SCUBE1: variants seen among roughly 807,000 people sequenced by gnomAD.
SCUBE1 encodes signal peptide, CUB domain and EGF like domain containing 1.
A neutral mutation model predicts 124.4 loss-of-function variants in SCUBE1; 59 were observed. The ratio of observed to expected loss-of-function variants is 0.47; its 90% CI spans 0.38 to 0.59. The LOEUF (loss-of-function observed/expected upper bound fraction) is 0.59. Ranked by LOEUF, SCUBE1 falls within the 20% of genes least tolerant of loss-of-function variation. SCUBE1 has a pLI of 0.00. For missense variants in SCUBE1, 1,150 were observed against 1,371.2 expected (o/e 0.84, Z 2.55); for synonymous variants, 545 against 550.9 (o/e 0.99, Z 0.15).
chr22:43,229,037 G>A (rs775271452), intron 9 of SCUBE1, 35 bp downstream of exon 9: 39 of 1,473,944 alleles, frequency 2.6e-5, no homozygotes, highest in East Asian at 4.6e-5. Context: ...CGCGTGCCTC[G>A]GGGGGGAGGT....
At chr22:43,297,818 C>G (rs1330508093) in intron 3 of SCUBE1, among the ~76,000 whole-genome samples, 1 of 152,182 alleles carries the variant, frequency 6.6e-6, no homozygotes, top group Non-Finnish European at 1.5e-5. Flanking sequence ...TTGTGTTTCC[C>G]GCAAATATTT....
intron 3 of SCUBE1, among the ~76,000 whole-genome samples, chr22:43,296,579 T>G (rs736355): frequency 0.081 from 12,294 of 152,202 alleles, 962 homozygotes; most frequent in African/African-American, 0.21. Context: ...TCCTTTCAAC[T>G]GGTGAGAGAG....
Position 43,202,473 on chromosome 22 carries a change from G to A in SCUBE1, c.*1524C>T, listed in dbSNP as rs1354387196. On this transcript the variant is annotated 3_prime_UTR_variant, in exon 22 of 22. Transcript: ENST00000360835. ...CCCATGCAGGTCCTACAGCTCGCAG[G>A]CAGATGAAGAGCAGGCAAGGCCTCC... 5 of 152,224 alleles carry A rather than the reference G, an allele frequency of 3.3e-5. No homozygotes were observed. Among genetic ancestry groups the A allele is most frequent in the Admixed American group, 2.0e-4 (3 of 15,274 alleles). The allele number at this position is 152,224 out of a possible 1,614,324, so 9.4% of individuals were successfully genotyped here.
rs1278592144 is a variant in SCUBE1 at position 43,343,258 on chromosome 22, C to T, written c.4G>A (p.Gly2Ser). The T allele has an allele frequency of 1.6e-5, 19 of 1,157,420 alleles. No individual in the cohort carries two copies. The highest frequency in any genetic ancestry group is 1.7e-5 in the Non-Finnish European group (16 of 940,222). The allele number at this position is 1,157,420 out of a possible 1,614,324, so 71.7% of individuals were successfully genotyped here. A position where few individuals can be genotyped will look rare whatever the true frequency, so the allele number is the denominator to read the frequency against. M[G>S]AAAVRWHLCV... The stretch of plus-strand genomic sequence containing the variant: ...AAGTGCCAGCGCACGGCCGCCGCGC[C>T]CATGCTCAATGCGGGCCCCGCTGGG... The change falls in exon 1 of 22, where the codon GGC (glycine) becomes AGC (serine). Residue 2 changes from glycine to serine, a missense_variant. By Grantham distance (56) the Gly-to-Ser change is moderately conservative. This residue lies in a region of SCUBE1 where 56 missense variants were observed against 48.1 expected (regional missense o/e 1.16). Coordinates refer to ENST00000360835, the MANE Select transcript of SCUBE1 (RefSeq NM_173050.5).
intron 2 of SCUBE1, among the ~76,000 whole-genome samples, chr22:43,322,951 T>C (rs776316237): frequency 3.0e-4 from 46 of 152,194 alleles, no homozygotes; most frequent in Non-Finnish European, 4.8e-4. Flanking sequence ...CATTTTATGG[T>C]TGAACAAACT....
At position 43,281,482 on chromosome 22, in the gene SCUBE1, CTCTTTGGCCACCCTCCTGTCACCTCCT is replaced by C. The variant is rs1220964025; in HGVS notation, c.484+9537_484+9563del. Among the ~76,000 whole-genome samples the C allele has an allele frequency of 2.3e-3, 214 of 93,718 alleles. 2 individuals carry two copies. The highest frequency in any genetic ancestry group is 2.9e-3 in the Non-Finnish European group (153 of 53,256). The allele number at this position is 93,718 out of a possible 152,430, so 61.5% of individuals were successfully genotyped here. ...CCTCAGCCACCCTCCTGTCACCTCCCTCTTTGGCCACCCTCCTGTCACCTCCTCCTCAGCCACCCTCCTGTCACCTCC... is the reference window on the plus strand; with the variant it reads ...CCTCAGCCACCCTCCTGTCACCTCCCCCTCAGCCACCCTCCTGTCACCTCC... On this transcript the variant is annotated intron_variant, in intron 4 of 21. Transcript: ENST00000360835.
chr22:43,227,538 G>A lies in SCUBE1; in HGVS notation c.1085-42C>T, dbSNP rs551840782. The A allele has an allele frequency of 7.5e-6, 12 of 1,593,040 alleles. No homozygotes were observed. The Admixed American group carries it at 1.8e-4, about 24-fold the overall frequency. On this transcript the variant is annotated intron_variant, in intron 9 of 21. Transcript: ENST00000360835. ...CGTAAGGGCAGAGGGGAGGCTGGCG[G>A]CTGGCGGCTGGCAGGGGAAGGGACC...
rs975006426 is a variant in SCUBE1 at position 43,231,760 on chromosome 22, G to A, written c.960C>T (p.Thr320=). ...KGYKLLTDER[T]CQDIDECSFE... ...GGCATGGCAGGGGCTCACCCTGGCA[G>A]GTGCGCTCGTCGGTGAGCAGCTTGT... Residue 320 remains threonine (T), a synonymous_variant, in exon 8 of 22, where the codon ACC becomes ACT. Coordinates refer to ENST00000360835, the MANE Select transcript of SCUBE1 (RefSeq NM_173050.5). 7 of 1,586,620 alleles carry A rather than the reference G, an allele frequency of 4.4e-6. No homozygotes were observed. The African/African-American group carries it at 8.1e-5, about 18-fold the overall frequency.
At chr22:43,273,890 A>G (rs1924392567) in intron 4 of SCUBE1, among the ~76,000 whole-genome samples, 1 of 152,066 alleles carries the variant, frequency 6.6e-6, no homozygotes, top group Non-Finnish European at 1.5e-5. Context: ...TTCTTTTGTA[A>G]GAGTGTTCAA....
chr22:43,260,582 G>A (rs1923835231), intron 5 of SCUBE1, among the ~76,000 whole-genome samples: 1 of 152,246 alleles, frequency 6.6e-6, no homozygotes, highest in Non-Finnish European at 1.5e-5. Context: ...ATGCCTCAGA[G>A]CTAACTTCTC....
intron 6 of SCUBE1, among the ~76,000 whole-genome samples, chr22:43,253,253 C>G (rs570856327): frequency 2.6e-3 from 402 of 152,340 alleles, no homozygotes; most frequent in Non-Finnish European, 4.0e-3. Flanking sequence ...GTCTTTACCC[C>G]ACAGGCTGTT....
At chr22:43,282,950 T>C (rs148077536) in intron 4 of SCUBE1, 10,530 of 152,228 alleles carry the variant, frequency 0.069, 927 homozygotes, top group African/African-American at 0.21. Context: ...CCCACCTCGG[T>C]CTCCCAAAGT....
chr22:43,246,527 G>C (rs1923218424), intron 6 of SCUBE1, among the ~76,000 whole-genome samples: 1 of 152,256 alleles, frequency 6.6e-6, no homozygotes, highest in South Asian at 2.1e-4. Flanking sequence ...TGGGGAGGCA[G>C]AGCTATCACC....
Position 43,220,495 on chromosome 22 carries a change from T to C in SCUBE1, c.1642A>G (p.Ile548Val), listed in dbSNP as rs1284016682. ...GTCTCGATCTCAAACTCTGCTGTGA[T>C]GTGGGACACCTCCTTGGATGGGGAC... ...RKSPSKEVSH[I>V]TAEFEIETKM... Residue 548 changes from isoleucine to valine, a missense_variant, in exon 14 of 22, where the codon ATC becomes GTC. Ile to Val is a conservative substitution (Grantham distance 29). This residue lies in a region of SCUBE1 where 757 missense variants were observed against 840.9 expected (regional missense o/e 0.90). Transcript: ENST00000360835. The C allele has an allele frequency of 6.2e-7, 1 of 1,614,182 alleles. No homozygotes were observed. The highest frequency in any genetic ancestry group is 1.6e-4 in the Middle Eastern group (1 of 6,062).
intron 6 of SCUBE1, among the ~76,000 whole-genome samples, chr22:43,239,602 C>A (rs866609355): frequency 3.3e-5 from 5 of 152,382 alleles, no homozygotes; most frequent in Middle Eastern, 3.4e-3. Flanking sequence ...TGGCTCAGGG[C>A]ATAACCGAGG....
chr22:43,209,877 G>A (rs1169261195), intron 19 of SCUBE1, among the ~76,000 whole-genome samples, 166 bp downstream of exon 19: 1 of 152,220 alleles, frequency 6.6e-6, no homozygotes, highest in African/African-American at 2.4e-5. Context: ...GACCCAAGTG[G>A]GTTTCAACCC....
chr22:43,250,942 C>T (rs2146698755), intron 6 of SCUBE1, among the ~76,000 whole-genome samples: 1 of 152,324 alleles, frequency 6.6e-6, no homozygotes, highest in East Asian at 1.9e-4. Context: ...ACTTGGGAGT[C>T]CACAGGGCTG....
At chr22:43,217,582 C>T (rs67134077) in intron 15 of SCUBE1, among the ~76,000 whole-genome samples, 39,063 of 152,118 alleles carry the variant, frequency 0.26, 6,595 homozygotes, top group East Asian at 0.51. Flanking sequence ...TCCTATGGCT[C>T]CCCATCCAAC....
intron 3 of SCUBE1, chr22:43,316,779 T>C (rs715632): frequency 0.64 from 97,559 of 152,248 alleles, 31,981 homozygotes; most frequent in African/African-American, 0.75. Context: ...ACTGCATCCA[T>C]GGGTAGCTCT....
Sources: allele counts gnomAD v4.1 joint callset (sites outside exome capture counted in the v4.1 genomes callset), GRCh38; gene constraint gnomAD v4.1.1; regional missense constraint gnomAD v4.1.1; transcripts MANE v1.5; gene names NCBI Gene and HGNC (gene_info 2026-07-23, HGNC 2026-07-21).